The following RIMS1 variants were observed in gnomAD, a reference collection of about 807,000 sequenced individuals.
RIMS1 encodes regulating synaptic membrane exocytosis 1.
A neutral mutation model predicts 214.1 loss-of-function variants in RIMS1; 83 were observed. The observed-to-expected ratio is 0.39, with a 90% confidence interval of 0.32 to 0.47. The LOEUF (loss-of-function observed/expected upper bound fraction) is 0.47, where lower values mean the gene tolerates loss of function less well. Among genes scored for constraint, RIMS1 ranks in the 20% least tolerant of loss-of-function variants. The probability of loss-of-function intolerance (pLI) is 0.99; values close to 1 mark genes in which losing one functional copy is unlikely to be tolerated. For synonymous variants in RIMS1, 793 were observed against 786.8 expected, an observed-to-expected ratio of 1.01 and a Z score of -0.13; for missense variants, 2,050 against 2,161.8, an observed-to-expected ratio of 0.95 and a Z score of 1.03.
At chr6:71,924,648 A>AAAAAAAAAAAAAAAT in intron 1 of RIMS1, among the ~76,000 whole-genome samples, 1 of 149,818 alleles carries the variant, frequency 6.7e-6, no homozygotes, top group African/African-American at 2.5e-5. Context: ...AAAAAAAAAA[A>AAAAAAAAAAAAAAAT]TGCAGAAAAT....
rs142688350 is a variant in RIMS1, at chr6:72,180,588, G to C, written c.812+673G>C. Among the ~76,000 whole-genome samples, 1,172 of 152,318 alleles carry C rather than the reference G, an allele frequency of 7.7e-3. 20 individuals carry two copies. Among genetic ancestry groups the C allele is most frequent in the African/African-American group, 0.027 (1,113 of 41,564 alleles). ...TGAATATTTAAACAGGGACGAATAT[G>C]ATCAGATTATTTACTTTGATTGATT... On this transcript the variant is annotated intron_variant, in intron 5 of 33. Transcript: ENST00000521978.
intron 4 of RIMS1, among the ~76,000 whole-genome samples, chr6:72,107,424 G>C (rs1178430093): frequency 1.3e-5 from 2 of 152,160 alleles, no homozygotes; most frequent in Non-Finnish European, 2.9e-5. Context: ...AACCAGGCGT[G>C]GTGGCAGGTG....
intron 10 of RIMS1, 135 bp downstream of exon 10, chr6:72,242,572 A>T: frequency 1.7e-6 from 1 of 574,148 alleles, no homozygotes; most frequent in Non-Finnish European, 2.9e-6. Flanking sequence ...ATACATTTTT[A>T]GATTACTAAA....
rs189557678 is a variant in RIMS1 at position 72,070,673 on chromosome 6, A to G, written c.246-26276A>G. ...ACACATTCCCAAGCAACTCTCCTGA[A>G]CCACTGAACAAGATTTTTGGGGGTA... is the stretch of plus-strand genomic sequence containing the variant. On this transcript the variant is annotated intron_variant, in intron 2 of 33. Coordinates refer to ENST00000521978, the MANE Select transcript of RIMS1 (RefSeq NM_014989.7). Among the ~76,000 whole-genome samples the G allele has an allele frequency of 1.4e-3, 210 of 152,318 alleles. 1 individual carries two copies. The highest frequency in any genetic ancestry group is 4.8e-3 in the African/African-American group (200 of 41,580).
intron 22 of RIMS1, among the ~76,000 whole-genome samples, chr6:72,271,281 AAAAAAAT>A (rs1213725339): frequency 4.4e-5 from 3 of 68,380 alleles, no homozygotes; most frequent in African/African-American, 1.8e-4. Context: ...AAAAAAAAAA[AAAAAAAT>A]ATATATATAT....
At chr6:72,383,790 G>A (rs2098538307) in intron 29 of RIMS1, among the ~76,000 whole-genome samples, 1 of 151,636 alleles carries the variant, frequency 6.6e-6, no homozygotes, top group South Asian at 2.1e-4. Context: ...ATAGCTTACT[G>A]TGATCTTGTT....
At chr6:72,379,332 C>T (rs958527012) in intron 29 of RIMS1, among the ~76,000 whole-genome samples, 15 of 152,214 alleles carry the variant, frequency 9.9e-5, no homozygotes, top group Non-Finnish European at 2.9e-5. Context: ...AGTAGCTGCT[C>T]TAGCTCCCAC....
intron 29 of RIMS1, among the ~76,000 whole-genome samples, chr6:72,351,850 T>C (rs1343884557): frequency 6.6e-6 from 1 of 152,212 alleles, no homozygotes; most frequent in Non-Finnish European, 1.5e-5. Context: ...AATTATAACA[T>C]GTATATCTAT....
In RIMS1 at chr6:71,907,101, G is replaced by A. The variant is rs72932132; in HGVS notation, c.164+19914G>A. 8.1e-3 allele frequency among the ~76,000 whole-genome samples: 1,233 copies of A among 152,258 alleles called. 10 individuals are homozygous for A. Among genetic ancestry groups the A allele is most frequent in the Non-Finnish European group, 0.012 (850 of 68,008 alleles). ...TGAGCTTTGGGAATACACAGAAGTT[G>A]GGTGCTTTCTTTTGAACTAGGGTAG... On this transcript the variant is annotated intron_variant, in intron 1 of 33. Coordinates refer to ENST00000521978, the MANE Select transcript of RIMS1 (RefSeq NM_014989.7).
chr6:72,076,605 C>T (rs182520894), intron 2 of RIMS1, among the ~76,000 whole-genome samples: 5 of 152,266 alleles, frequency 3.3e-5, no homozygotes, highest in African/African-American at 9.6e-5. Flanking sequence ...GTCGATAACA[C>T]TGAGGGTTAA....
At chr6:72,237,328 C>T (rs2064621446) in intron 8 of RIMS1, among the ~76,000 whole-genome samples, 1 of 151,968 alleles carries the variant, frequency 6.6e-6, no homozygotes, top group African/African-American at 2.4e-5. Flanking sequence ...GACACATAGT[C>T]ATCTCAAATA....
intron 4 of RIMS1, among the ~76,000 whole-genome samples, chr6:72,106,569 A>G (rs1374480700): frequency 2.0e-5 from 3 of 152,202 alleles, no homozygotes; most frequent in Non-Finnish European, 4.4e-5. Context: ...ACAGTATCAC[A>G]GAAGTTTCTA....
chr6:72,023,803 ATTTAC>A (rs1386254002), intron 2 of RIMS1, among the ~76,000 whole-genome samples: 1 of 152,134 alleles, frequency 6.6e-6, no homozygotes, highest in Non-Finnish European at 1.5e-5. Flanking sequence ...TCATAGAGAT[ATTTAC>A]TTCATAGAGA....
At position 72,374,696 on chromosome 6, in the gene RIMS1, A is replaced by G. The variant is rs114042645; in HGVS notation, c.4367-15902A>G. ...CAGTTTTGTGGAAGACAATTTTTCCATGGACCAGGGGGTAAAGGGGGAGGA... is the reference window on the plus strand; with the variant it reads ...CAGTTTTGTGGAAGACAATTTTTCCGTGGACCAGGGGGTAAAGGGGGAGGA... On this transcript the variant is annotated intron_variant, in intron 29 of 33. Coordinates refer to ENST00000521978, the MANE Select transcript of RIMS1 (RefSeq NM_014989.7). Among the ~76,000 whole-genome samples, 600 of 152,308 alleles carry G rather than the reference A, an allele frequency of 3.9e-3. 2 individuals are homozygous for G. Among genetic ancestry groups the G allele is most frequent in the African/African-American group, 0.014 (578 of 41,568 alleles).
intron 2 of RIMS1, among the ~76,000 whole-genome samples, chr6:72,015,758 C>G (rs1364386469): frequency 6.6e-6 from 1 of 152,068 alleles, no homozygotes. Context: ...AACCCTGTCT[C>G]TACTAAAAAT....
rs564699587 is a variant in RIMS1 at position 72,119,988 on chromosome 6, A to AT, written c.471+20008dup. Among the ~76,000 whole-genome samples, 443 of 151,760 alleles carry AT rather than the reference A, an allele frequency of 2.9e-3. 3 individuals carry two copies. Among genetic ancestry groups the AT allele is most frequent in the African/African-American group, 0.01 (434 of 41,468 alleles). ...TCCCTACAAAGGACATGAACTCATCATTTTTTATGGCTGCATAGTATTCCA... is the reference window on the plus strand; with the variant it reads ...TCCCTACAAAGGACATGAACTCATCATTTTTTTATGGCTGCATAGTATTCCA... On this transcript the variant is annotated intron_variant, in intron 4 of 33. Transcript: ENST00000521978.
intron 3 of RIMS1, among the ~76,000 whole-genome samples, chr6:72,097,526 T>C (rs899304180): frequency 6.6e-6 from 1 of 152,214 alleles, no homozygotes; most frequent in Non-Finnish European, 1.5e-5. Flanking sequence ...CTACTTTTGA[T>C]TTCTGTAACA....
intron 1 of RIMS1, among the ~76,000 whole-genome samples, chr6:71,901,256 C>A (rs1278538433): frequency 6.6e-6 from 1 of 151,962 alleles, no homozygotes; most frequent in Non-Finnish European, 1.5e-5. Context: ...AATTCCATTC[C>A]TAGATATTTA....
At chr6:72,398,415 T>C (rs1046814476) in intron 32 of RIMS1, 65 bp downstream of exon 32, 1 of 923,908 alleles carries the variant, frequency 1.1e-6, no homozygotes. Context: ...TAAAAACATT[T>C]GCTGCATTTG....
Sources: allele counts gnomAD v4.1 joint callset (sites outside exome capture counted in the v4.1 genomes callset), GRCh38; gene constraint gnomAD v4.1.1; transcripts MANE v1.5; gene names NCBI Gene and HGNC (gene_info 2026-07-23, HGNC 2026-07-21).